The following ZRANB1 variants were observed in gnomAD, a reference collection of about 807,000 sequenced individuals.
ZRANB1 encodes zinc finger RANBP2-type containing 1, also known as ubiquitin thioesterase ZRANB1.
A neutral mutation model predicts 80.5 loss-of-function variants in ZRANB1; 16 were observed. The observed-to-expected ratio is 0.20, with a 90% CI of 0.13 to 0.30. ZRANB1 has a LOEUF of 0.30. Ranked by LOEUF, ZRANB1 falls within the 10% of genes least tolerant of loss-of-function variation. The pLI, the probability that ZRANB1 is intolerant of heterozygous loss-of-function variation, is 1.00. For missense variants in ZRANB1, 576 were observed against 862.6 expected (o/e 0.67, Z 4.16); for synonymous variants, 291 against 293.1 (o/e 0.99, Z 0.07).
intron 1 of ZRANB1, among the ~76,000 whole-genome samples, chr10:124,947,826 C>T (rs1477549390): frequency 6.6e-6 from 1 of 152,188 alleles, no homozygotes. Context: ...CTGACCACTT[C>T]TCACTATTCT....
chr10:124,973,914 A>G (rs1420845294), intron 4 of ZRANB1, among the ~76,000 whole-genome samples, 198 bp downstream of exon 4: 2 of 152,226 alleles, frequency 1.3e-5, no homozygotes, highest in Non-Finnish European at 1.5e-5. Flanking sequence ...AAAAATTTTA[A>G]AACCTTGGTT....
intron 3 of ZRANB1, among the ~76,000 whole-genome samples, chr10:124,972,777 T>C (rs1951838048): frequency 7.2e-6 from 1 of 139,410 alleles, no homozygotes; most frequent in Non-Finnish European, 1.5e-5. Flanking sequence ...TTTGTTGCTG[T>C]TTTTTTTTTT....
chr10:124,948,155 G>A (rs531221908), intron 1 of ZRANB1, among the ~76,000 whole-genome samples: 1 of 152,144 alleles, frequency 6.6e-6, no homozygotes, highest in South Asian at 2.1e-4. Context: ...GCCTACTCAA[G>A]GTGAAGATGA....
the ZRANB1 span, among the ~76,000 whole-genome samples, chr10:124,927,227 T>C: frequency 6.6e-5 from 10 of 152,236 alleles, no homozygotes; most frequent in South Asian, 2.1e-3. Context: ...AGTGCTGGGA[T>C]TACAGGCGTG....
At chr10:124,958,827 G>C (rs549562904) in intron 1 of ZRANB1, among the ~76,000 whole-genome samples, 2 of 151,742 alleles carry the variant, frequency 1.3e-5, no homozygotes, top group South Asian at 4.2e-4. Context: ...GTTCACTTTC[G>C]TTCACTTTCT....
intron 1 of ZRANB1, among the ~76,000 whole-genome samples, chr10:124,946,680 T>C (rs965032172): frequency 4.6e-5 from 7 of 152,212 alleles, no homozygotes; most frequent in Admixed American, 2.6e-4. Context: ...GTTATAATTA[T>C]AGGCCTGTTT....
the ZRANB1 span, among the ~76,000 whole-genome samples, chr10:124,922,281 A>AATATATATAT: frequency 2.2e-4 from 19 of 87,452 alleles, 1 homozygote; most frequent in African/African-American, 7.7e-4. Flanking sequence ...ATATATGTAA[A>AATATATATAT]ATATATATAT....
chr10:124,978,727 A>G (rs1283764173), intron 5 of ZRANB1, among the ~76,000 whole-genome samples: 1 of 151,818 alleles, frequency 6.6e-6, no homozygotes, highest in Non-Finnish European at 1.5e-5. Context: ...TGTGGGCTCA[A>G]GCAATTCTCC....
upstream of ZRANB1, among the ~76,000 whole-genome samples, chr10:124,938,104 T>C (rs112428344): frequency 4.7e-3 from 716 of 152,336 alleles, 5 homozygotes; most frequent in Non-Finnish European, 8.3e-3. Context: ...TAAAGTGATA[T>C]TTGGTAAGTT....
At chr10:124,919,613 CTTTTT>C in the ZRANB1 span, among the ~76,000 whole-genome samples, 1 of 131,602 alleles carries the variant, frequency 7.6e-6, no homozygotes, top group Non-Finnish European at 1.6e-5. Context: ...CCTCCTCCTC[CTTTTT>C]TTTTTTTTTT....
chr10:124,963,719 G>A (rs139362360), intron 1 of ZRANB1, among the ~76,000 whole-genome samples: 279 of 152,054 alleles, frequency 1.8e-3, no homozygotes, highest in African/African-American at 6.6e-3. Context: ...ATGAAGTAAT[G>A]TCTAAACTTT....
intron 1 of ZRANB1, among the ~76,000 whole-genome samples, chr10:124,963,712 A>C (rs537024563): frequency 7.5e-4 from 114 of 152,004 alleles, no homozygotes; most frequent in Admixed American, 1.5e-3. Flanking sequence ...CGTGTCTATG[A>C]AGTAATGTCT....
the ZRANB1 span, among the ~76,000 whole-genome samples, chr10:124,921,078 G>T: frequency 0.59 from 90,163 of 151,992 alleles, 30,432 homozygotes; most frequent in Non-Finnish European, 0.75. Context: ...ATACTTCTTT[G>T]CCCTGTAGAG....
At chr10:124,931,346 A>G in the ZRANB1 span, among the ~76,000 whole-genome samples, 2 of 152,038 alleles carry the variant, frequency 1.3e-5, no homozygotes, top group Non-Finnish European at 1.5e-5. Context: ...CTACTGCTCC[A>G]GCCCTGTGTC....
At chr10:124,949,479 GTATA>G (rs1200959720) in intron 1 of ZRANB1, among the ~76,000 whole-genome samples, 4 of 143,018 alleles carry the variant, frequency 2.8e-5, no homozygotes, top group Admixed American at 1.4e-4. Context: ...ACACATATAT[GTATA>G]TATATTCACG....
Position 124,983,828 on chromosome 10 carries a change from A to G in ZRANB1, c.1908+140A>G. ...GTAGTAATTGCTGAAGGTACTAGCTATACTTTGAAATTTACCTTTTCAAAA... is the reference window on the plus strand; with the variant it reads ...GTAGTAATTGCTGAAGGTACTAGCTGTACTTTGAAATTTACCTTTTCAAAA... On this transcript the variant is annotated intron_variant, in intron 8 of 8. Coordinates refer to ENST00000359653, the MANE Select transcript of ZRANB1 (RefSeq NM_017580.3). This position sits in a 1 kb window ranked among gnomAD's most constrained non-coding sequence, Gnocchi z 6.2. The G allele has an allele frequency of 1.5e-6, 1 of 658,604 alleles. No homozygotes were observed. The highest frequency in any genetic ancestry group is 2.8e-5 in the East Asian group (1 of 36,264). 40.8% of individuals were successfully genotyped at this position (658,604 alleles called of 1,614,324 possible). A position where few individuals can be genotyped will look rare whatever the true frequency, so the allele number is the denominator to read the frequency against.
Position 124,983,402 on chromosome 10 carries a change from T to G in ZRANB1, c.1679-57T>G. 6.3e-7 allele frequency: 1 copy of G among 1,591,306 alleles called. No homozygotes were observed. The highest frequency in any genetic ancestry group is 8.6e-7 in the Non-Finnish European group (1 of 1,165,556). ...GACAGGGGAATGTGAACAAGGGCAG[T>G]GAGGGAGTGGCTCTTTCTTCCTGTG... On this transcript the variant is annotated intron_variant, in intron 7 of 8. Coordinates refer to ENST00000359653, the MANE Select transcript of ZRANB1 (RefSeq NM_017580.3). This position sits in a 1 kb window ranked among gnomAD's most constrained non-coding sequence, Gnocchi z 6.2.
rs1002215471 is a variant in ZRANB1, at chr10:124,952,723, G to A, written c.814+9416G>A. On this transcript the variant is annotated intron_variant, in intron 1 of 8. Coordinates refer to ENST00000359653, the MANE Select transcript of ZRANB1 (RefSeq NM_017580.3). ...CCTCCTGAGTTCAAGTGATTCTCCT[G>A]CCTCAACCTCTCAAGTAGCTGGAAT... Among the ~76,000 whole-genome samples the A allele has an allele frequency of 3.3e-5, 5 of 151,852 alleles. No individual in the cohort carries two copies. The East Asian group carries it at 9.7e-4, about 29-fold the overall frequency.
chr10:124,922,716 G>T, the ZRANB1 span, among the ~76,000 whole-genome samples: 4 of 150,798 alleles, frequency 2.7e-5, no homozygotes, highest in Non-Finnish European at 5.9e-5. Flanking sequence ...GGCTGGTCTC[G>T]AACTGACCTC....
Sources: gnomAD v4.1 joint callset for allele counts (sites outside exome capture counted in the v4.1 genomes callset) on GRCh38, gnomAD v4.1.1 for gene constraint, Gnocchi (gnomAD v3.1) non-coding constraint, MANE v1.5 for transcripts, NCBI Gene and HGNC (gene_info 2026-07-23, HGNC 2026-07-21) for gene names.